Variants in PCDH15 observed in about 807,000 individuals in gnomAD.
PCDH15 encodes the protein protocadherin-15.
PCDH15 carries 129 observed loss-of-function variants against 178.5 expected under a neutral mutation model. The observed-to-expected ratio is 0.72, with a 90% confidence interval of 0.63 to 0.84. The LOEUF (loss-of-function observed/expected upper bound fraction) is 0.84, where lower values mean the gene tolerates loss of function less well. Ranked by LOEUF, PCDH15 falls within the 40% of genes least tolerant of loss-of-function variation. PCDH15 has a pLI of 0.00. For missense variants in PCDH15, 2,230 were observed against 2,099.9 expected (o/e 1.06, Z -1.21); for synonymous variants, 800 against 732.0 (o/e 1.09, Z -1.50).
chr10:55,271,068 T>A (rs1442681819), intron 1 of PCDH15, among the ~76,000 whole-genome samples: 3 of 151,968 alleles, frequency 2.0e-5, no homozygotes, highest in Non-Finnish European at 4.4e-5. Flanking sequence ...TTTTCATTCA[T>A]AAGTGGGAGC....
At chr10:55,499,403 CTA>C (rs1491416924) in intron 2 of PCDH15, among the ~76,000 whole-genome samples, 1 of 113,182 alleles carries the variant, frequency 8.8e-6, no homozygotes, top group Non-Finnish European at 1.8e-5. Flanking sequence ...TAGACTCTCC[CTA>C]CACACACACA....
chr10:54,012,913 T>C (rs2092633715), intron 20 of PCDH15, among the ~76,000 whole-genome samples: 1 of 151,918 alleles, frequency 6.6e-6, no homozygotes, highest in African/African-American at 2.4e-5. Flanking sequence ...AGGCTCAAAT[T>C]CACACACATC....
Position 54,753,930 on chromosome 10 carries a change from G to C in PCDH15, c.-29+46995C>G, listed in dbSNP as rs1391647558. On this transcript the variant is annotated intron_variant, in intron 1 of 37. Coordinates refer to ENST00000644397, the MANE Select transcript of PCDH15 (RefSeq NM_001384140.1). The stretch of plus-strand genomic sequence containing the variant: ...TTTTTTTGAGACTGAATCTCGCTCT[G>C]TTGCCCAGGCTGGAGTGCAGTGGCG... Among the ~76,000 whole-genome samples, 4 of 129,030 alleles carry C rather than the reference G, an allele frequency of 3.1e-5. No individual in the cohort carries two copies. The East Asian group carries it at 1.0e-3, about 33-fold the overall frequency. The allele number at this position is 129,030 out of a possible 152,430, so 84.6% of individuals were successfully genotyped here. A position where few individuals can be genotyped will look rare whatever the true frequency, so the allele number is the denominator to read the frequency against.
At chr10:55,615,750 G>T (rs1843460232) in intron 2 of PCDH15, among the ~76,000 whole-genome samples, 1 of 152,162 alleles carries the variant, frequency 6.6e-6, no homozygotes, top group East Asian at 1.9e-4. Flanking sequence ...ATAGTGGCTG[G>T]CACCTGAATC....
chr10:54,936,719 T>C (rs1837916494), intron 2 of PCDH15, among the ~76,000 whole-genome samples: 1 of 151,214 alleles, frequency 6.6e-6, no homozygotes, highest in African/African-American at 2.4e-5. Context: ...TTTTATTGTT[T>C]TTTTTTTTAG....
chr10:54,449,484 T>C (rs2136270804), intron 3 of PCDH15, among the ~76,000 whole-genome samples: 1 of 151,780 alleles, frequency 6.6e-6, no homozygotes, highest in Admixed American at 6.6e-5. Flanking sequence ...ATTAACAACT[T>C]TGGATAGGAA....
rs1168400018 is a variant in PCDH15 at position 54,527,824 on chromosome 10, C to A, written c.145G>T (p.Glu49Ter). 3.7e-6 allele frequency: 6 copies of A among 1,610,332 alleles called. No individual in the cohort carries two copies. Among genetic ancestry groups the A allele is most frequent in the Non-Finnish European group, 5.1e-6 (6 of 1,177,528 alleles). ...PPATIVAIDEESRNGTILVDN... is the reference protein window; with the variant it reads ...PPATIVAIDE ...AAAACTCACTTACCATTCCGACTTTCTTCATCAATAGCAACTATGGTAGCT... is the reference window on the plus strand; with the variant it reads ...AAAACTCACTTACCATTCCGACTTTATTCATCAATAGCAACTATGGTAGCT... The change falls in exon 3 of 38, where the codon GAA becomes TAA. Residue 49 changes from glutamate to a stop codon, truncating the protein, a stop_gained. Transcript: ENST00000644397. LOFTEE classifies it high-confidence loss of function.
intron 3 of PCDH15, among the ~76,000 whole-genome samples, chr10:54,868,399 A>AT (rs1245440957): frequency 1.3e-5 from 2 of 152,110 alleles, no homozygotes; most frequent in Admixed American, 1.3e-4. Context: ...GTTTGGAGAA[A>AT]TTACCTCATT....
intron 2 of PCDH15, among the ~76,000 whole-genome samples, chr10:54,990,939 T>G (rs559858706): frequency 6.7e-6 from 1 of 150,208 alleles, no homozygotes; most frequent in South Asian, 2.1e-4. Context: ...TTATGGCAAT[T>G]CAAATCTTCC....
intron 2 of PCDH15, among the ~76,000 whole-genome samples, chr10:54,917,832 A>T (rs1837379719): frequency 6.6e-6 from 1 of 152,206 alleles, no homozygotes; most frequent in Non-Finnish European, 1.5e-5. Context: ...ACTAAGGCAT[A>T]TTCAAATGGT....
chr10:54,356,308 G>A (rs911531193), intron 5 of PCDH15, among the ~76,000 whole-genome samples: 3 of 151,828 alleles, frequency 2.0e-5, no homozygotes, highest in Admixed American at 6.6e-5. Flanking sequence ...CACTCCTCTG[G>A]TCCTGAAAAA....
chr10:54,226,307 G>A (rs143504915), intron 9 of PCDH15, among the ~76,000 whole-genome samples: 149 of 152,246 alleles, frequency 9.8e-4, no homozygotes, highest in Non-Finnish European at 1.7e-3. Flanking sequence ...ATCATATCTC[G>A]TGAGATTATT....
chr10:55,561,644 G>T (rs1842203312), intron 2 of PCDH15, among the ~76,000 whole-genome samples: 1 of 151,744 alleles, frequency 6.6e-6, no homozygotes, highest in Non-Finnish European at 1.5e-5. Flanking sequence ...CCACATGTTT[G>T]CCTTAAGACA....
intron 7 of PCDH15, among the ~76,000 whole-genome samples, chr10:54,318,319 C>T (rs1211722168): frequency 2.0e-5 from 3 of 152,148 alleles, no homozygotes; most frequent in Non-Finnish European, 4.4e-5. Flanking sequence ...GTAAACACAT[C>T]TGGTCTGTGA....
At chr10:54,440,816 G>C (rs1196153532) in intron 3 of PCDH15, among the ~76,000 whole-genome samples, 4 of 151,784 alleles carry the variant, frequency 2.6e-5, no homozygotes, top group Non-Finnish European at 4.4e-5. Flanking sequence ...ATAATTCAGA[G>C]AAGTCTATAT....
chr10:55,389,556 C>G (rs988037017), intron 2 of PCDH15, among the ~76,000 whole-genome samples: 1 of 152,042 alleles, frequency 6.6e-6, no homozygotes, highest in Non-Finnish European at 1.5e-5. Flanking sequence ...GAGTTGTTAA[C>G]AGAAATTCTA....
intron 8 of PCDH15, among the ~76,000 whole-genome samples, chr10:54,237,288 T>C (rs2054730921): frequency 6.6e-6 from 1 of 152,142 alleles, no homozygotes; most frequent in African/African-American, 2.4e-5. Context: ...CTCTTTGCTT[T>C]AGACAAGATT....
At chr10:54,931,031 T>C (rs911402838) in intron 2 of PCDH15, among the ~76,000 whole-genome samples, 7 of 152,200 alleles carry the variant, frequency 4.6e-5, no homozygotes, top group African/African-American at 1.4e-4. Context: ...TGGAGCTACA[T>C]TCCATTTTTC....
intron 8 of PCDH15, among the ~76,000 whole-genome samples, chr10:54,294,440 G>A (rs2059618651): frequency 1.3e-5 from 2 of 152,104 alleles, no homozygotes; most frequent in South Asian, 4.1e-4. Context: ...TTGTACACAT[G>A]TACCCTAGAA....
Sources: gnomAD v4.1 joint callset for allele counts (sites outside exome capture counted in the v4.1 genomes callset) on GRCh38, gnomAD v4.1.1 for gene constraint, MANE v1.5 for transcripts, NCBI Gene and HGNC (gene_info 2026-07-23, HGNC 2026-07-21) for gene names.